PLEKHA3: variants seen among roughly 807,000 people sequenced by gnomAD.
PLEKHA3 encodes the protein pleckstrin homology domain-containing family A member 3.
In PLEKHA3, 19 loss-of-function variants were observed where a neutral mutation model predicts 39.2. The ratio of observed to expected loss-of-function variants is 0.48; its 90% confidence interval spans 0.34 to 0.71. The LOEUF is 0.71. PLEKHA3 is among the 30% of genes least tolerant of loss of function. The pLI, the probability that PLEKHA3 is intolerant of heterozygous loss-of-function variation, is 0.01. For missense variants in PLEKHA3, 253 were observed against 359.5 expected (o/e 0.70, Z 2.40); for synonymous variants, 97 against 118.6 (o/e 0.82, Z 1.18).
rs1045120910 is a variant in PLEKHA3, at chr2:178,508,056, T to G, written c.*4169T>G. On this transcript the variant is annotated 3_prime_UTR_variant, in exon 8 of 8. Transcript: ENST00000234453. ...TTTGTCTGCTTCAGTTCTGGGTGTG[T>G]GTGTGTGTGTGTGTGTGTGTGTGTG... The G allele has an allele frequency of 2.0e-5, 2 of 102,126 alleles. No homozygotes were observed. Among genetic ancestry groups the G allele is most frequent in the African/African-American group, 6.7e-5 (2 of 30,026 alleles). 6.3% of individuals were successfully genotyped at this position (102,126 alleles called of 1,614,324 possible).
At chr2:178,487,581 G>A (rs1045029358) in intron 2 of PLEKHA3, among the ~76,000 whole-genome samples, 5 of 152,060 alleles carry the variant, frequency 3.3e-5, no homozygotes, top group Non-Finnish European at 5.9e-5. Context: ...TGGGACCAGA[G>A]GCACATGTCA....
intron 2 of PLEKHA3, chr2:178,488,931 T>A (rs778070592): frequency 6.7e-6 from 3 of 450,490 alleles, no homozygotes; most frequent in South Asian, 5.0e-5. Flanking sequence ...TTTCTGATGT[T>A]TTGGAAGCAT....
Position 178,512,172 on chromosome 2 carries a change from T to C in PLEKHA3, c.*8285T>C, listed in dbSNP as rs528472795. On this transcript the variant is annotated 3_prime_UTR_variant, in exon 8 of 8. Transcript: ENST00000234453. ...CCTTTATTTAGTATTTAAATTCACA[T>C]GCTTCTTGATTTTTTTGGACTAGCA... The C allele has an allele frequency of 1.3e-3, 195 of 152,360 alleles. No homozygotes were observed. Among genetic ancestry groups the C allele is most frequent in the African/African-American group, 4.5e-3 (186 of 41,592 alleles). 9.4% of individuals were successfully genotyped at this position (152,360 alleles called of 1,614,324 possible).
chr2:178,487,659 G>A (rs1685271629), intron 2 of PLEKHA3, among the ~76,000 whole-genome samples: 1 of 152,072 alleles, frequency 6.6e-6, no homozygotes. Context: ...AACCAGGCTG[G>A]TCTTGAACTC....
At chr2:178,483,748 C>G (rs1337895500) in intron 1 of PLEKHA3, among the ~76,000 whole-genome samples, 1 of 152,136 alleles carries the variant, frequency 6.6e-6, no homozygotes, top group Non-Finnish European at 1.5e-5. Flanking sequence ...ACAATATACT[C>G]TCAAAGATAT....
intron 3 of PLEKHA3, among the ~76,000 whole-genome samples, chr2:178,491,535 A>G (rs1030598228): frequency 2.6e-5 from 4 of 152,236 alleles, no homozygotes; most frequent in African/African-American, 9.6e-5. Context: ...GTCACTGTAT[A>G]TACCCTTTGG....
intron 5 of PLEKHA3, among the ~76,000 whole-genome samples, chr2:178,497,937 C>T (rs777574212): frequency 6.7e-6 from 1 of 150,336 alleles, no homozygotes. Flanking sequence ...AGACAATCTT[C>T]ATGTTTTTTT....
chr2:178,480,585 G>C lies in PLEKHA3; in HGVS notation c.-285G>C, dbSNP rs900778030. ...CAGCCGGGCTGCGGAAGCGCGAGCAGGAGGCCGGTCGCGGGCGCATTTTTG... is the reference window on the plus strand; with the variant it reads ...CAGCCGGGCTGCGGAAGCGCGAGCACGAGGCCGGTCGCGGGCGCATTTTTG... On this transcript the variant is annotated 5_prime_UTR_variant, in exon 1 of 8. Coordinates refer to ENST00000234453, the MANE Select transcript of PLEKHA3 (RefSeq NM_019091.4). 3.7e-6 allele frequency: 1 copy of C among 267,284 alleles called. No individual in the cohort carries two copies. The highest frequency in any genetic ancestry group is 2.2e-5 in the African/African-American group (1 of 44,704). 16.6% of individuals were successfully genotyped at this position (267,284 alleles called of 1,614,324 possible). A position where few individuals can be genotyped will look rare whatever the true frequency, so the allele number is the denominator to read the frequency against.
Position 178,506,867 on chromosome 2 carries a change from G to A in PLEKHA3, c.*2980G>A, listed in dbSNP as rs1485480848. On this transcript the variant is annotated 3_prime_UTR_variant, in exon 8 of 8. Coordinates refer to ENST00000234453, the MANE Select transcript of PLEKHA3 (RefSeq NM_019091.4). ...GCGGGTAAATGAATGGTAGGTAGCT[G>A]GTAGGTAGGCCTTCTTGTTCATGTC... The A allele has an allele frequency of 3.3e-5, 5 of 152,046 alleles. No individual in the cohort carries two copies. Among genetic ancestry groups the A allele is most frequent in the Non-Finnish European group, 5.9e-5 (4 of 68,010 alleles). 9.4% of individuals were successfully genotyped at this position (152,046 alleles called of 1,614,324 possible).
chr2:178,486,061 A>C (rs866175208), intron 2 of PLEKHA3, among the ~76,000 whole-genome samples: 1 of 152,194 alleles, frequency 6.6e-6, no homozygotes, highest in South Asian at 2.1e-4. Flanking sequence ...TAAGCATTCT[A>C]TTTCATTATT....
rs761833758 is a variant in PLEKHA3 at position 178,490,640 on chromosome 2, C to T, written c.158-19C>T. Reference sequence around the variant, plus strand: ...TACTTAAGTCTATAACTGTATTTCCCCTTTGTTTATCATCATAGTTCATTC... The same window carrying T: ...TACTTAAGTCTATAACTGTATTTCCTCTTTGTTTATCATCATAGTTCATTC... On this transcript the variant is annotated intron_variant, in intron 2 of 7. Transcript: ENST00000234453. 1.9e-6 allele frequency: 3 copies of T among 1,606,790 alleles called. No homozygotes were observed. Among genetic ancestry groups the T allele is most frequent in the South Asian group, 1.1e-5 (1 of 90,538 alleles).
At position 178,515,573 on chromosome 2, in the gene PLEKHA3, G is replaced by A. The variant is rs746010010; in HGVS notation, c.*11686G>A. 6.6e-6 allele frequency: 1 copy of A among 152,110 alleles called. No individual in the cohort carries two copies. Among genetic ancestry groups the A allele is most frequent in the Non-Finnish European group, 1.5e-5 (1 of 67,994 alleles). 9.4% of individuals were successfully genotyped at this position (152,110 alleles called of 1,614,324 possible). A position where few individuals can be genotyped will look rare whatever the true frequency, so the allele number is the denominator to read the frequency against. On this transcript the variant is annotated 3_prime_UTR_variant, in exon 8 of 8. Transcript: ENST00000234453. ...TTGGGAATGGCGGTGAGTTCAGGGGGTCTGTTAACCATTTAATTTAGGATT... is the reference window on the plus strand; with the variant it reads ...TTGGGAATGGCGGTGAGTTCAGGGGATCTGTTAACCATTTAATTTAGGATT...
rs1417563349 is a variant in PLEKHA3 at position 178,515,450 on chromosome 2, T to G, written c.*11563T>G. The G allele has an allele frequency of 6.6e-6, 1 of 152,174 alleles. No homozygotes were observed. The highest frequency in any genetic ancestry group is 2.4e-5 in the African/African-American group (1 of 41,464). 9.4% of individuals were successfully genotyped at this position (152,174 alleles called of 1,614,324 possible). A position where few individuals can be genotyped will look rare whatever the true frequency, so the allele number is the denominator to read the frequency against. Reference sequence around the variant, plus strand: ...TTTTTAAAATTTTATTCACTTTATCTTTTTCTCCAGTTTTGATAGATGATT... The same window carrying G: ...TTTTTAAAATTTTATTCACTTTATCGTTTTCTCCAGTTTTGATAGATGATT... On this transcript the variant is annotated 3_prime_UTR_variant, in exon 8 of 8. Coordinates refer to ENST00000234453, the MANE Select transcript of PLEKHA3 (RefSeq NM_019091.4).
chr2:178,499,376 C>G (rs1382423186), intron 6 of PLEKHA3, 122 bp downstream of exon 6: 1 of 865,814 alleles, frequency 1.2e-6, no homozygotes, highest in East Asian at 2.8e-5. Context: ...GGTTCAAAAC[C>G]AGCATTTTAT....
At chr2:178,498,808 C>A (rs1685485256) in intron 5 of PLEKHA3, among the ~76,000 whole-genome samples, 1 of 151,876 alleles carries the variant, frequency 6.6e-6, no homozygotes, top group Admixed American at 6.6e-5. Flanking sequence ...CTACTACTGT[C>A]CTTTAAAAAA....
intron 1 of PLEKHA3, 93 bp downstream of exon 1, chr2:178,481,002 G>A: frequency 8.5e-7 from 1 of 1,172,080 alleles, no homozygotes; most frequent in Non-Finnish European, 1.1e-6. Flanking sequence ...TGGCCTCCGC[G>A]GACCCTCAGA....
At chr2:178,483,428 A>C in intron 1 of PLEKHA3, among the ~76,000 whole-genome samples, 1 of 152,242 alleles carries the variant, frequency 6.6e-6, no homozygotes, top group South Asian at 2.1e-4. Flanking sequence ...TGAACCAATT[A>C]GAAATTGTTT....
In PLEKHA3 at chr2:178,513,613, C is replaced by T. The variant is rs1164993939; in HGVS notation, c.*9726C>T. The T allele has an allele frequency of 6.6e-6, 1 of 152,144 alleles. No homozygotes were observed. The highest frequency in any genetic ancestry group is 1.9e-4 in the East Asian group (1 of 5,194). 9.4% of individuals were successfully genotyped at this position (152,144 alleles called of 1,614,324 possible). ...CTATCTGTGCATGCATCTGTATGCA[C>T]AGTTTCTTAGTTGTGGACAATGCAA... On this transcript the variant is annotated 3_prime_UTR_variant, in exon 8 of 8. Transcript: ENST00000234453.
At chr2:178,488,982 G>A (rs1685302101) in intron 2 of PLEKHA3, 1 of 458,588 alleles carries the variant, frequency 2.2e-6, no homozygotes, top group Non-Finnish European at 4.5e-6. Context: ...CAACTTTGGA[G>A]GGGACCACCC....
Sources: gnomAD v4.1 joint callset for allele counts (sites outside exome capture counted in the v4.1 genomes callset) on GRCh38, gnomAD v4.1.1 for gene constraint, MANE v1.5 for transcripts, NCBI Gene and HGNC (gene_info 2026-07-23, HGNC 2026-07-21) for gene names.